Variants in POLR3G observed in about 807,000 individuals in gnomAD.
POLR3G encodes DNA-directed RNA polymerase III subunit RPC7.
In POLR3G, 28 loss-of-function variants were observed where a neutral mutation model predicts 30.1. The observed-to-expected ratio is 0.93, with a 90% CI of 0.69 to 1.27. POLR3G has a LOEUF of 1.27. POLR3G is among the 50% of genes most tolerant of loss of function. The pLI is 0.00. For missense variants in POLR3G, 254 were observed against 264.6 expected, an observed-to-expected ratio of 0.96 and a Z score of 0.28; for synonymous variants, 79 against 82.5, an observed-to-expected ratio of 0.96 and a Z score of 0.23.
chr5:90,481,905 T>C (rs1283161647), intron 1 of POLR3G, among the ~76,000 whole-genome samples: 1 of 152,154 alleles, frequency 6.6e-6, no homozygotes, highest in African/African-American at 2.4e-5. Flanking sequence ...GAGTTTAAAA[T>C]AATCTGAAGC....
chr5:90,501,961 T>C lies in POLR3G; in HGVS notation c.411T>C (p.Asn137=), dbSNP rs538527342. ...CAGGCAAAGGCACACCACTCACTAATACTGAAGATGTGTTGAAAAAAATGG... is the reference window on the plus strand; with the variant it reads ...CAGGCAAAGGCACACCACTCACTAACACTGAAGATGTGTTGAAAAAAATGG... ...KDAGKGTPLT[N]TEDVLKKMEE... Residue 137 remains asparagine, a synonymous_variant, in exon 6 of 8, where the codon AAT becomes AAC. Coordinates refer to ENST00000651687, the MANE Select transcript of POLR3G (RefSeq NM_006467.3). The C allele has an allele frequency of 1.8e-5, 29 of 1,613,364 alleles. No homozygotes were observed. In the East Asian group the frequency reaches 2.2e-4, roughly 12 times the overall value.
At chr5:90,474,676 A>C (rs1750691556), upstream of POLR3G, 2 of 275,688 alleles carry the variant, frequency 7.3e-6, no homozygotes, top group Non-Finnish European at 6.9e-6. Flanking sequence ...AGAGGCCCGC[A>C]GTGAGGGTGG....
chr5:90,486,381 G>A (rs1053459189), intron 2 of POLR3G, among the ~76,000 whole-genome samples: 1 of 152,188 alleles, frequency 6.6e-6, no homozygotes, highest in African/African-American at 2.4e-5. Flanking sequence ...TTTTCCATGT[G>A]TGAGGAGATT....
chr5:90,495,864 T>C (rs570383913), intron 4 of POLR3G, 131 bp downstream of exon 4: 2 of 1,207,810 alleles, frequency 1.7e-6, no homozygotes, highest in South Asian at 2.0e-5. Context: ...TGTGATTAAT[T>C]AGTAATCTGT....
At chr5:90,502,773 A>G (rs775841527) in intron 6 of POLR3G, among the ~76,000 whole-genome samples, 10 of 149,064 alleles carry the variant, frequency 6.7e-5, no homozygotes, top group Non-Finnish European at 1.3e-4. Flanking sequence ...ATGTGGTTCC[A>G]TATAAGTCTG....
intron 2 of POLR3G, among the ~76,000 whole-genome samples, chr5:90,487,455 G>A (rs951101641): frequency 5.2e-5 from 7 of 133,404 alleles, no homozygotes; most frequent in Non-Finnish European, 9.3e-5. Context: ...ACAGTGGCGC[G>A]ATCTTGGCTC....
intron 6 of POLR3G, among the ~76,000 whole-genome samples, chr5:90,505,294 G>A (rs912616722): frequency 3.9e-5 from 6 of 152,130 alleles, no homozygotes; most frequent in African/African-American, 1.4e-4. Flanking sequence ...TTTAGCTGAG[G>A]TGACTTATGC....
Position 90,488,945 on chromosome 5 carries a change from T to C in POLR3G, c.247+816T>C, listed in dbSNP as rs114920032. On this transcript the variant is annotated intron_variant, in intron 3 of 7. Transcript: ENST00000651687. ...TAGCACAGCAGTACTATATTGATTT[T>C]TCACTTTCTGCCCTTGATTGTTGAG... Among the ~76,000 whole-genome samples the C allele has an allele frequency of 5.0e-3, 758 of 152,324 alleles. 6 individuals carry two copies. Among genetic ancestry groups the C allele is most frequent in the African/African-American group, 0.017 (721 of 41,566 alleles).
intron 7 of POLR3G, 68 bp from the exon 8 acceptor site, chr5:90,511,985 A>C: frequency 9.6e-7 from 1 of 1,039,642 alleles, no homozygotes; most frequent in Non-Finnish European, 1.5e-6. Context: ...AGAGACTTTT[A>C]GGCCTGGAAT....
chr5:90,478,566 G>GTTATTTTTTTTTTT (rs1561245449), intron 1 of POLR3G, among the ~76,000 whole-genome samples: 1 of 31,046 alleles, frequency 3.2e-5, no homozygotes, highest in African/African-American at 1.2e-4. Flanking sequence ...AATCTGCGTG[G>GTTATTTTTTTTTTT]TTCTTTTTTT....
At chr5:90,510,295 G>A (rs530761647) in intron 7 of POLR3G, among the ~76,000 whole-genome samples, 12 of 152,100 alleles carry the variant, frequency 7.9e-5, no homozygotes, top group South Asian at 4.2e-4. Context: ...GGAGAATGGC[G>A]TGAACCAGGG....
chr5:90,509,190 T>G (rs1441611676), intron 7 of POLR3G, among the ~76,000 whole-genome samples: 1 of 152,206 alleles, frequency 6.6e-6, no homozygotes, highest in African/African-American at 2.4e-5. Flanking sequence ...GCTTTTCGTT[T>G]TTCTCCTATT....
intron 2 of POLR3G, among the ~76,000 whole-genome samples, chr5:90,486,506 C>G (rs576634864): frequency 2.6e-5 from 4 of 152,358 alleles, no homozygotes; most frequent in South Asian, 2.1e-4. Flanking sequence ...TGATGTCTCT[C>G]TGACCCTTTT....
intron 5 of POLR3G, among the ~76,000 whole-genome samples, chr5:90,501,431 T>C (rs568036863): frequency 1.3e-5 from 2 of 152,324 alleles, no homozygotes; most frequent in East Asian, 1.9e-4. Context: ...AAATCTGTAG[T>C]TGACTTTAAA....
chr5:90,504,092 C>A (rs536932243), intron 6 of POLR3G, among the ~76,000 whole-genome samples: 1 of 152,010 alleles, frequency 6.6e-6, no homozygotes, highest in East Asian at 1.9e-4. Flanking sequence ...GCTTTGAGAT[C>A]AATTTTTATT....
chr5:90,502,802 TTC>T lies in POLR3G; in HGVS notation c.438+816_438+817del, dbSNP rs1201514913. Among the ~76,000 whole-genome samples the T allele has an allele frequency of 7.2e-3, 127 of 17,676 alleles. 1 individual carries two copies. The highest frequency in any genetic ancestry group is 0.049 in the African/African-American group (114 of 2,336). The allele number at this position is 17,676 out of a possible 152,430, so 11.6% of individuals were successfully genotyped here. On this transcript the variant is annotated intron_variant, in intron 6 of 7. Transcript: ENST00000651687. Reference sequence around the variant, plus strand: ...AAGTCTGTGTAGAGTTACCTCATCCTTCTTTTTTTTTTTTTGGCTGCACTATA... The same window carrying T: ...AAGTCTGTGTAGAGTTACCTCATCCTTTTTTTTTTTTTTGGCTGCACTATA...
intron 4 of POLR3G, 136 bp from the exon 5 acceptor site, chr5:90,497,520 C>G (rs1255464178): frequency 2.0e-6 from 2 of 995,652 alleles, no homozygotes; most frequent in African/African-American, 3.5e-5. Flanking sequence ...ATGTTTCAAG[C>G]TAAATTTGTA....
rs912436948 is a variant in POLR3G at position 90,484,395 on chromosome 5, C to A, written c.-43-1130C>A. ...AGAGCCGCTTGCTTTGTAGTGTTGGCCCTGTGATAAAGTGAGCTGGGAGTT... is the reference window on the plus strand; with the variant it reads ...AGAGCCGCTTGCTTTGTAGTGTTGGACCTGTGATAAAGTGAGCTGGGAGTT... On this transcript the variant is annotated intron_variant, in intron 1 of 7. Transcript: ENST00000651687. Among the ~76,000 whole-genome samples, 18 of 72,172 alleles carry A rather than the reference C, an allele frequency of 2.5e-4. 1 individual carries two copies. The highest frequency in any genetic ancestry group is 7.3e-4 in the African/African-American group (18 of 24,732). The allele number at this position is 72,172 out of a possible 152,430, so 47.3% of individuals were successfully genotyped here.
In POLR3G at chr5:90,513,295, TCC is replaced by T. The variant is rs1412681788; in HGVS notation, c.*1158_*1159del. 1.3e-5 allele frequency: 2 copies of T among 152,608 alleles called. No homozygotes were observed. The highest frequency in any genetic ancestry group is 2.9e-5 in the Non-Finnish European group (2 of 67,992). The allele number at this position is 152,608 out of a possible 1,614,324, so 9.5% of individuals were successfully genotyped here. A position where few individuals can be genotyped will look rare whatever the true frequency, so the allele number is the denominator to read the frequency against. ...ATTATCCTCTAATATGAGAATCAGA[TCC>T]CTAGATTCTATTTCTACCTATACTA... is the stretch of plus-strand genomic sequence containing the variant. On this transcript the variant is annotated 3_prime_UTR_variant, in exon 8 of 8. Coordinates refer to ENST00000651687, the MANE Select transcript of POLR3G (RefSeq NM_006467.3).
Sources: gnomAD v4.1 joint callset for allele counts (sites outside exome capture counted in the v4.1 genomes callset) on GRCh38, gnomAD v4.1.1 for gene constraint, MANE v1.5 for transcripts, NCBI Gene and HGNC (gene_info 2026-07-23, HGNC 2026-07-21) for gene names.